The following ECE1 variants were observed in gnomAD, a reference collection of about 807,000 sequenced individuals.
The protein encoded by ECE1 is endothelin-converting enzyme 1.
Under a neutral mutation model 98.6 loss-of-function variants are expected in ECE1, and 35 were observed. The observed-to-expected ratio is 0.35, with a 90% confidence interval of 0.27 to 0.47. The LOEUF (loss-of-function observed/expected upper bound fraction) is 0.47. Among genes scored for constraint, ECE1 ranks in the 20% least tolerant of loss-of-function variants. The pLI is 1.00. For missense variants in ECE1, 814 were observed against 1,025.3 expected (o/e 0.79, Z 2.81); for synonymous variants, 394 against 407.1 (o/e 0.97, Z 0.39).
chr1:21,314,578 T>C (rs1486666707), intron 1 of ECE1, among the ~76,000 whole-genome samples: 1 of 152,212 alleles, frequency 6.6e-6, no homozygotes, highest in Non-Finnish European at 1.5e-5. Context: ...GTGACCCCTT[T>C]CCTAACCCAG....
intron 8 of ECE1, 60 bp downstream of exon 8, chr1:21,255,887 G>C: frequency 1.9e-6 from 3 of 1,572,158 alleles, no homozygotes; most frequent in South Asian, 1.1e-5. Context: ...CCCCAGTCCA[G>C]GGCCCTGTCT....
At chr1:21,291,937 G>C (rs912453799), upstream of ECE1, among the ~76,000 whole-genome samples, 1 of 151,060 alleles carries the variant, frequency 6.6e-6, no homozygotes, top group Non-Finnish European at 1.5e-5. Flanking sequence ...AGGCCAGCCT[G>C]GGCAACACGG....
chr1:21,303,843 G>T (rs985581086), intron 1 of ECE1, among the ~76,000 whole-genome samples: 6 of 151,934 alleles, frequency 3.9e-5, no homozygotes, highest in African/African-American at 1.4e-4. Flanking sequence ...TAGATAGGGG[G>T]TTTTGCCATG....
At chr1:21,283,864 T>G (rs1271360558) in intron 2 of ECE1, among the ~76,000 whole-genome samples, 1 of 152,214 alleles carries the variant, frequency 6.6e-6, no homozygotes, top group African/African-American at 2.4e-5. Context: ...AAATGGAGTT[T>G]TTAACCTTTG....
Position 21,221,519 on chromosome 1 carries a change from C to CT in ECE1, c.2136+227_2136+228insA, listed in dbSNP as rs28368047. The stretch of plus-strand genomic sequence containing the variant: ...CTCTAGAACCCTAGAACCAGAAGGG[C>CT]CCTGGGTGATCACCTCGTCTTCTCA... On this transcript the variant is annotated intron_variant, in intron 18 of 18. Coordinates refer to ENST00000374893, the MANE Select transcript of ECE1 (RefSeq NM_001397.3). 3.3e-5 allele frequency among the ~76,000 whole-genome samples: 5 copies of CT among 152,236 alleles called. No individual in the cohort carries two copies. The East Asian group carries it at 7.7e-4, about 23-fold the overall frequency.
At chr1:21,294,804 A>G (rs1467009229), upstream of ECE1, among the ~76,000 whole-genome samples, 1 of 152,144 alleles carries the variant, frequency 6.6e-6, no homozygotes, top group Non-Finnish European at 1.5e-5. The surrounding 1 kb of genome is among the most constrained non-coding windows in gnomAD (Gnocchi z 4.2). Context: ...GAAGCCCCAC[A>G]TGTGAAATTC....
upstream of ECE1, among the ~76,000 whole-genome samples, chr1:21,292,241 C>G (rs1000393055): frequency 3.3e-5 from 5 of 152,146 alleles, no homozygotes; most frequent in African/African-American, 1.2e-4. Context: ...AAATCCAAAC[C>G]CTTCACCAGG....
chr1:21,282,935 TTA>T (rs1278407972), intron 2 of ECE1, among the ~76,000 whole-genome samples: 19 of 118,736 alleles, frequency 1.6e-4, no homozygotes, highest in African/African-American at 5.5e-4. Context: ...CTTCACAACA[TTA>T]TTTTTTTTTT....
At chr1:21,335,150 A>G (rs1341286128) in intron 1 of ECE1, among the ~76,000 whole-genome samples, 1 of 151,892 alleles carries the variant, frequency 6.6e-6, no homozygotes, top group Non-Finnish European at 1.5e-5. Flanking sequence ...CTGTTCCGGC[A>G]GCCGGGAACT....
At chr1:21,255,484 C>T (rs1179912723) in intron 8 of ECE1, among the ~76,000 whole-genome samples, 2 of 152,188 alleles carry the variant, frequency 1.3e-5, no homozygotes, top group East Asian at 3.8e-4. Flanking sequence ...GTACAGTGAG[C>T]CCATCTGCGG....
At chr1:21,291,304 C>T (rs779655677), upstream of ECE1, among the ~76,000 whole-genome samples, 6 of 152,226 alleles carry the variant, frequency 3.9e-5, no homozygotes, top group Admixed American at 3.3e-4. Context: ...TCTAGCAAGG[C>T]GGGAATCCCT....
Position 21,267,910 on chromosome 1 carries a change from G to A in ECE1, c.493+4789C>T, listed in dbSNP as rs12760074. On this transcript the variant is annotated intron_variant, in intron 4 of 18. Coordinates refer to ENST00000374893, the MANE Select transcript of ECE1 (RefSeq NM_001397.3). ...ATTGCCACATCACCGACATGGACAC[G>A]TTTAACGCTATTGGAATATTGTATG... Among the ~76,000 whole-genome samples the A allele has an allele frequency of 4.8e-3, 730 of 152,320 alleles. 3 individuals are homozygous for A. Among genetic ancestry groups the A allele is most frequent in the Non-Finnish European group, 7.7e-3 (523 of 68,038 alleles).
At chr1:21,252,390 CA>C (rs1356121576) in intron 8 of ECE1, among the ~76,000 whole-genome samples, 1 of 152,228 alleles carries the variant, frequency 6.6e-6, no homozygotes, top group Non-Finnish European at 1.5e-5. Context: ...CCCTCTGGGG[CA>C]CACCAGTGAG....
At chr1:21,288,897 CA>C (rs28367918) in intron 2 of ECE1, among the ~76,000 whole-genome samples, 13,191 of 152,168 alleles carry the variant, frequency 0.087, 994 homozygotes, top group East Asian at 0.43. Flanking sequence ...CTACAGGTCT[CA>C]GGGGTGTTCC....
chr1:21,333,541 A>G (rs1639248721), intron 1 of ECE1, among the ~76,000 whole-genome samples: 1 of 152,202 alleles, frequency 6.6e-6, no homozygotes, highest in Admixed American at 6.5e-5. Context: ...TTAGGATGAC[A>G]GAGCCACGGG....
At chr1:21,254,956 C>T (rs960492552) in intron 8 of ECE1, among the ~76,000 whole-genome samples, 1 of 152,180 alleles carries the variant, frequency 6.6e-6, no homozygotes, top group African/African-American at 2.4e-5. Context: ...CTGACTTCTC[C>T]CCACCCCTGG....
intron 13 of ECE1, among the ~76,000 whole-genome samples, chr1:21,234,435 G>A (rs1220785205): frequency 1.3e-5 from 2 of 149,658 alleles, no homozygotes; most frequent in Non-Finnish European, 3.0e-5. Flanking sequence ...AACTGTCAAG[G>A]GCATCACTGT....
At chr1:21,294,937 A>T (rs1372779933), upstream of ECE1, among the ~76,000 whole-genome samples, 1 of 152,194 alleles carries the variant, frequency 6.6e-6, no homozygotes, top group African/African-American at 2.4e-5. The surrounding 1 kb of genome is among the most constrained non-coding windows in gnomAD (Gnocchi z 4.2). Flanking sequence ...TGGTGCTGGT[A>T]ATTGGCTGGG....
chr1:21,285,698 A>G (rs2103352197), intron 2 of ECE1, among the ~76,000 whole-genome samples: 1 of 151,364 alleles, frequency 6.6e-6, no homozygotes, highest in East Asian at 1.9e-4. Flanking sequence ...TCAAAAAAAA[A>G]AAAAAAAAAA....
Sources: gnomAD v4.1 joint callset for allele counts (sites outside exome capture counted in the v4.1 genomes callset) on GRCh38, gnomAD v4.1.1 for gene constraint, Gnocchi (gnomAD v3.1) non-coding constraint, MANE v1.5 for transcripts, NCBI Gene and HGNC (gene_info 2026-07-23, HGNC 2026-07-21) for gene names.